Variants in RNF138 observed in about 807,000 individuals in gnomAD.
RNF138 encodes the protein ring finger protein 138, also known as E3 ubiquitin-protein ligase RNF138.
RNF138 carries 12 observed loss-of-function variants against 31.0 expected under a neutral mutation model. The observed-to-expected ratio is 0.39, with a 90% confidence interval of 0.25 to 0.63. The LOEUF (loss-of-function observed/expected upper bound fraction) is 0.63, where lower values mean the gene tolerates loss of function less well. RNF138 is among the 20% of genes least tolerant of loss of function. The pLI is 0.52. For synonymous variants in RNF138, 105 were observed against 99.5 expected, an observed-to-expected ratio of 1.06 and a Z score of -0.33; for missense variants, 192 against 300.1, an observed-to-expected ratio of 0.64 and a Z score of 2.66.
rs1484598791 is a variant in RNF138, at chr18:32,130,879, C to T, written c.*1692C>T. The T allele has an allele frequency of 6.6e-6, 1 of 150,740 alleles. No homozygotes were observed. Among genetic ancestry groups the T allele is most frequent in the African/African-American group, 2.5e-5 (1 of 40,810 alleles). The allele number at this position is 150,740 out of a possible 1,614,324, so 9.3% of individuals were successfully genotyped here. ...ATGTGTGTGCTTGAGCATTTTCTTT[C>T]AGTTACATGGGTGTAATTTAAAAAA... On this transcript the variant is annotated 3_prime_UTR_variant, in exon 8 of 8. Coordinates refer to ENST00000261593, the MANE Select transcript of RNF138 (RefSeq NM_016271.5).
chr18:32,109,664 G>T (rs1166797103), intron 2 of RNF138, among the ~76,000 whole-genome samples: 1 of 152,166 alleles, frequency 6.6e-6, no homozygotes, highest in Non-Finnish European at 1.5e-5. Flanking sequence ...GAGATGGCTG[G>T]ATCACTTGAA....
chr18:32,093,995 G>T (rs2039758583), intron 2 of RNF138, among the ~76,000 whole-genome samples: 3 of 152,058 alleles, frequency 2.0e-5, no homozygotes, highest in Admixed American at 2.0e-4. Context: ...GTTTCACCGT[G>T]TTAGCAAGGA....
intron 7 of RNF138, among the ~76,000 whole-genome samples, chr18:32,128,057 G>C (rs1342265114): frequency 2.7e-5 from 4 of 150,042 alleles, no homozygotes; most frequent in Non-Finnish European, 4.4e-5. Context: ...TCCAGCCTGG[G>C]TGACAGTGCG....
intron 7 of RNF138, among the ~76,000 whole-genome samples, chr18:32,128,274 A>G (rs750428857): frequency 3.3e-5 from 5 of 152,206 alleles, no homozygotes; most frequent in Non-Finnish European, 5.9e-5. Context: ...ATGATGGCTC[A>G]TGCCTGTCAT....
chr18:32,103,637 AT>A (rs1300049003), intron 2 of RNF138, among the ~76,000 whole-genome samples: 1 of 152,148 alleles, frequency 6.6e-6, no homozygotes, highest in Non-Finnish European at 1.5e-5. Context: ...CATTAAAAAA[AT>A]TTTTTTAGAC....
intron 5 of RNF138, 78 bp downstream of exon 5, chr18:32,123,652 C>CTT (rs375810742): frequency 9.2e-3 from 5,806 of 629,896 alleles, no homozygotes; most frequent in South Asian, 0.017. Context: ...TTAAATTAAA[C>CTT]TTTTTTTTTT....
Position 32,111,726 on chromosome 18 carries a change from A to T in RNF138, c.111-28A>T, listed in dbSNP as rs1441175071. 4.4e-6 allele frequency: 7 copies of T among 1,580,696 alleles called. No individual in the cohort carries two copies. In the Admixed American group the frequency reaches 7.5e-5, roughly 17 times the overall value. ...AGATGAAGAGAGTAATTTTTTTTGT[A>T]ATTAATGTGTCACAATGTTTGGTTT... On this transcript the variant is annotated intron_variant, in intron 2 of 7. Coordinates refer to ENST00000261593, the MANE Select transcript of RNF138 (RefSeq NM_016271.5).
chr18:32,115,060 T>C (rs1260720598), intron 4 of RNF138, among the ~76,000 whole-genome samples: 1 of 152,198 alleles, frequency 6.6e-6, no homozygotes, highest in Non-Finnish European at 1.5e-5. Flanking sequence ...GTTTTTCTTA[T>C]TGTTGTACTT....
Position 32,131,240 on chromosome 18 carries a change from GA to G in RNF138, c.*2057del, listed in dbSNP as rs1376992386. The G allele has an allele frequency of 6.6e-6, 1 of 151,960 alleles. No homozygotes were observed. Among genetic ancestry groups the G allele is most frequent in the African/African-American group, 2.4e-5 (1 of 41,360 alleles). The allele number at this position is 151,960 out of a possible 1,614,324, so 9.4% of individuals were successfully genotyped here. A position where few individuals can be genotyped will look rare whatever the true frequency, so the allele number is the denominator to read the frequency against. ...TCTCACATATCAGCTTTTTCATAAG[GA>G]AAATACTTTATTTGCTTTTATCTGA... On this transcript the variant is annotated 3_prime_UTR_variant, in exon 8 of 8. Coordinates refer to ENST00000261593, the MANE Select transcript of RNF138 (RefSeq NM_016271.5).
At chr18:32,115,144 T>TA in intron 4 of RNF138, among the ~76,000 whole-genome samples, 1 of 152,188 alleles carries the variant, frequency 6.6e-6, no homozygotes, top group Admixed American at 6.5e-5. Flanking sequence ...GTGTTTGTCT[T>TA]GTTGAGCATA....
intron 2 of RNF138, among the ~76,000 whole-genome samples, chr18:32,108,249 A>G (rs910263903): frequency 1.4e-4 from 22 of 152,126 alleles, no homozygotes; most frequent in African/African-American, 4.8e-4. Flanking sequence ...GTACACCCAT[A>G]TCAAGCAACC....
intron 6 of RNF138, among the ~76,000 whole-genome samples, chr18:32,125,795 G>GCTT (rs1187478606): frequency 2.6e-5 from 4 of 152,034 alleles, no homozygotes; most frequent in African/African-American, 9.7e-5. Context: ...AAAAGAATAT[G>GCTT]CTTCAATAAC....
chr18:32,126,858 T>G, intron 7 of RNF138, 58 bp downstream of exon 7: 1 of 1,074,936 alleles, frequency 9.3e-7, no homozygotes, highest in South Asian at 1.3e-5. Flanking sequence ...TTAAAATAAC[T>G]TTTTTGTAAT....
At chr18:32,115,244 C>G (rs574093166) in intron 4 of RNF138, among the ~76,000 whole-genome samples, 1 of 152,184 alleles carries the variant, frequency 6.6e-6, no homozygotes, top group East Asian at 1.9e-4. Flanking sequence ...GGCCTTCCTC[C>G]CCCTTATTTC....
At chr18:32,119,014 A>G (rs752212769) in intron 4 of RNF138, among the ~76,000 whole-genome samples, 2 of 152,174 alleles carry the variant, frequency 1.3e-5, no homozygotes, top group Non-Finnish European at 2.9e-5. Context: ...CATGAAGGTT[A>G]TAAAAGATAT....
At position 32,128,170 on chromosome 18, in the gene RNF138, C is replaced by A. The variant is rs536866767; in HGVS notation, c.670-949C>A. Among the ~76,000 whole-genome samples, 4 of 152,308 alleles carry A rather than the reference C, an allele frequency of 2.6e-5. No individual in the cohort carries two copies. The East Asian group carries it at 5.8e-4, about 22-fold the overall frequency. On this transcript the variant is annotated intron_variant, in intron 7 of 7. Transcript: ENST00000261593. ...AATGCATAGGGCATAAAATTGATAG[C>A]AAATATAATTTTTTAAATTAAGGAG... is the stretch of plus-strand genomic sequence containing the variant.
At chr18:32,129,079 AAT>A in intron 7 of RNF138, 38 bp from the exon 8 acceptor site, 1 of 1,373,744 alleles carries the variant, frequency 7.3e-7, no homozygotes, top group South Asian at 1.2e-5. Flanking sequence ...AGAGTAGTTG[AAT>A]ATGTTTTTCC....
At position 32,127,325 on chromosome 18, in the gene RNF138, G is replaced by A. The variant is rs1325968122; in HGVS notation, c.669+525G>A. On this transcript the variant is annotated intron_variant, in intron 7 of 7. Coordinates refer to ENST00000261593, the MANE Select transcript of RNF138 (RefSeq NM_016271.5). The stretch of plus-strand genomic sequence containing the variant: ...AAAAATGAATTCATAAAGCAAAATG[G>A]ATTAATTTGTACTTCTAAATGTGTG... Among the ~76,000 whole-genome samples, 8 of 152,066 alleles carry A rather than the reference G, an allele frequency of 5.3e-5. No individual in the cohort carries two copies. The East Asian group carries it at 7.7e-4, about 15-fold the overall frequency.
chr18:32,117,307 TAA>T, intron 4 of RNF138, among the ~76,000 whole-genome samples: 1 of 152,148 alleles, frequency 6.6e-6, no homozygotes, highest in East Asian at 1.9e-4. Context: ...GAGAATTTAG[TAA>T]AGAGACTATT....
Sources: gnomAD v4.1 joint callset for allele counts (sites outside exome capture counted in the v4.1 genomes callset) on GRCh38, gnomAD v4.1.1 for gene constraint, MANE v1.5 for transcripts, NCBI Gene and HGNC (gene_info 2026-07-23, HGNC 2026-07-21) for gene names.